AK5: variants seen among roughly 807,000 people sequenced by gnomAD.
AK5 encodes the protein adenylate kinase 5.
In AK5, 27 loss-of-function variants were observed where a neutral mutation model predicts 69.5. That is an observed-to-expected ratio of 0.39 (90% CI 0.29 to 0.54). AK5 has a LOEUF of 0.54. AK5 is among the 20% of genes least tolerant of loss of function. The pLI, the probability that AK5 is intolerant of heterozygous loss-of-function variation, is 0.71. For missense variants in AK5, 531 were observed against 700.4 expected, an observed-to-expected ratio of 0.76 and a Z score of 2.73; for synonymous variants, 260 against 244.4, an observed-to-expected ratio of 1.06 and a Z score of -0.60.
chr1:77,418,331 A>G (rs1008567065), intron 8 of AK5, among the ~76,000 whole-genome samples: 10 of 152,170 alleles, frequency 6.6e-5, no homozygotes, highest in Non-Finnish European at 1.3e-4. Context: ...CTATCACAAC[A>G]GCACAGAAAA....
chr1:77,309,424 T>C (rs2100287003), intron 5 of AK5, among the ~76,000 whole-genome samples: 1 of 152,236 alleles, frequency 6.6e-6, no homozygotes, highest in East Asian at 1.9e-4. Context: ...TTCCTGTTTT[T>C]CACAGTGATC....
chr1:77,396,905 G>C (rs1165991941), intron 6 of AK5, among the ~76,000 whole-genome samples: 1 of 152,176 alleles, frequency 6.6e-6, no homozygotes, highest in African/African-American at 2.4e-5. Flanking sequence ...CTATTACCTA[G>C]CATATATAGT....
intron 10 of AK5, among the ~76,000 whole-genome samples, chr1:77,516,242 G>A (rs957202094): frequency 3.3e-5 from 5 of 152,142 alleles, no homozygotes; most frequent in East Asian, 3.9e-4. Context: ...ATGATCTCAC[G>A]TGTACGTGGA....
chr1:77,375,876 G>A (rs574346703), intron 6 of AK5, among the ~76,000 whole-genome samples: 1 of 152,274 alleles, frequency 6.6e-6, no homozygotes, highest in East Asian at 1.9e-4. Flanking sequence ...GTAACCTAAT[G>A]ACTGAACATC....
At chr1:77,424,428 T>A (rs1010646891) in intron 8 of AK5, among the ~76,000 whole-genome samples, 1 of 151,994 alleles carries the variant, frequency 6.6e-6, no homozygotes, top group African/African-American at 2.4e-5. Flanking sequence ...GCCTGGCTAA[T>A]TTTATTTTTT....
chr1:77,495,945 C>T (rs1045422594), intron 10 of AK5, among the ~76,000 whole-genome samples: 1 of 152,176 alleles, frequency 6.6e-6, no homozygotes, highest in Non-Finnish European at 1.5e-5. Context: ...TTTGTTAGTT[C>T]ATTTGACACA....
At chr1:77,490,124 A>G (rs947438210) in intron 10 of AK5, among the ~76,000 whole-genome samples, 1 of 149,992 alleles carries the variant, frequency 6.7e-6, no homozygotes, top group Non-Finnish European at 1.5e-5. Flanking sequence ...GTCTGTTTCC[A>G]TAACAACCAA....
intron 10 of AK5, among the ~76,000 whole-genome samples, chr1:77,489,284 A>G (rs76849244): frequency 6.6e-6 from 1 of 151,770 alleles, no homozygotes; most frequent in Non-Finnish European, 1.5e-5. Context: ...ATCTAACAAA[A>G]CTCTCCTGTA....
At chr1:77,514,384 C>T (rs755081968) in intron 10 of AK5, among the ~76,000 whole-genome samples, 2 of 152,126 alleles carry the variant, frequency 1.3e-5, no homozygotes, top group African/African-American at 4.8e-5. Flanking sequence ...TATCTTTTGC[C>T]GGGTAACAAA....
At chr1:77,455,446 T>C (rs1052090490) in intron 8 of AK5, among the ~76,000 whole-genome samples, 5 of 152,046 alleles carry the variant, frequency 3.3e-5, no homozygotes, top group Admixed American at 3.3e-4. Flanking sequence ...CTGGAGAAAA[T>C]GAAGAGGGGA....
intron 5 of AK5, among the ~76,000 whole-genome samples, chr1:77,308,729 A>C (rs545251013): frequency 3.2e-4 from 48 of 152,114 alleles, no homozygotes; most frequent in Admixed American, 2.6e-4. Flanking sequence ...GCTGAAACTA[A>C]TAAGAGCTCC....
chr1:77,374,624 A>G (rs1294441164), intron 6 of AK5, among the ~76,000 whole-genome samples: 1 of 152,058 alleles, frequency 6.6e-6, no homozygotes, highest in Non-Finnish European at 1.5e-5. Context: ...GTGCGAGACT[A>G]ACCTGAGAAG....
chr1:77,323,894 T>C (rs1045743933), intron 5 of AK5, among the ~76,000 whole-genome samples: 10 of 152,316 alleles, frequency 6.6e-5, no homozygotes, highest in African/African-American at 2.4e-4. Context: ...CACTCATACA[T>C]TTCCAAAAAT....
chr1:77,423,504 T>C (rs555135801), intron 8 of AK5, among the ~76,000 whole-genome samples: 1 of 151,968 alleles, frequency 6.6e-6, no homozygotes, highest in East Asian at 1.9e-4. Flanking sequence ...CAACTGAAAA[T>C]AAACAATCAC....
At chr1:77,377,237 A>G (rs540975248) in intron 6 of AK5, among the ~76,000 whole-genome samples, 2 of 152,218 alleles carry the variant, frequency 1.3e-5, no homozygotes, top group South Asian at 2.1e-4. Context: ...CACACAACCA[A>G]CTGAGTTTAA....
At chr1:77,322,038 T>A (rs1003999319) in intron 5 of AK5, among the ~76,000 whole-genome samples, 1 of 152,202 alleles carries the variant, frequency 6.6e-6, no homozygotes. Context: ...TAGCTTATTA[T>A]TTAACTTTCC....
intron 7 of AK5, among the ~76,000 whole-genome samples, chr1:77,413,704 A>G (rs918322347): frequency 7.9e-5 from 12 of 152,194 alleles, no homozygotes; most frequent in African/African-American, 2.4e-4. Flanking sequence ...AAGGCTATCT[A>G]TGGGTTCCTG....
chr1:77,287,129 TA>T lies in AK5; in HGVS notation c.247+4del, dbSNP rs1557463290. 4 of 1,548,478 alleles carry T rather than the reference TA, an allele frequency of 2.6e-6. No homozygotes were observed. The highest frequency in any genetic ancestry group is 2.6e-6 in the Non-Finnish European group (3 of 1,144,860). On this transcript the variant is annotated splice_donor_region_variant and intron_variant, in intron 2 of 13. Coordinates refer to ENST00000354567, the MANE Select transcript of AK5 (RefSeq NM_174858.3). ...CACGGAGATCCTTTCTAAGAAATGGTAATGTATATGGAGAATAATAGACAGT... is the reference window on the plus strand; with the variant it reads ...CACGGAGATCCTTTCTAAGAAATGGTATGTATATGGAGAATAATAGACAGT...
intron 12 of AK5, among the ~76,000 whole-genome samples, chr1:77,526,465 C>CTTTTTTTT (rs917395853): frequency 2.4e-5 from 2 of 84,674 alleles, no homozygotes; most frequent in African/African-American, 4.7e-5. Context: ...GAATAAAAGT[C>CTTTTTTTT]TTTTTTTTTT....
Sources: gnomAD v4.1 joint callset for allele counts (sites outside exome capture counted in the v4.1 genomes callset) on GRCh38, gnomAD v4.1.1 for gene constraint, MANE v1.5 for transcripts, NCBI Gene and HGNC (gene_info 2026-07-23, HGNC 2026-07-21) for gene names.